Variants in PCBP3 observed in about 807,000 individuals in gnomAD.
The protein encoded by PCBP3 is poly(rC)-binding protein 3.
PCBP3 carries 25 observed loss-of-function variants against 52.7 expected under a neutral mutation model. The ratio of observed to expected loss-of-function variants is 0.47; its 90% CI spans 0.35 to 0.66. The LOEUF is 0.66. PCBP3 is among the 30% of genes least tolerant of loss of function. The pLI is 0.01. For synonymous variants in PCBP3, 162 were observed against 183.0 expected (o/e 0.89, Z 0.93); for missense variants, 391 against 490.3 (o/e 0.80, Z 1.91).
intron 6 of PCBP3, among the ~76,000 whole-genome samples, chr21:45,898,440 CCTCCCTCTGCACACCATCCTCATGGT>C (rs2095898925): frequency 6.7e-5 from 10 of 150,368 alleles, no homozygotes; most frequent in African/African-American, 1.2e-4. Flanking sequence ...GTCCTCACAG[CCTCCCTCTGCACACCATCCTCATGGT>C]CTCCCTCTCC....
intron 13 of PCBP3, chr21:45,918,510 C>G (rs2073891094): frequency 2.9e-5 from 2 of 69,444 alleles, no homozygotes; most frequent in African/African-American, 7.3e-5. Flanking sequence ...AGAAGTTACT[C>G]TCAGATAAAC....
chr21:45,676,955 T>C (rs976218230), intron 2 of PCBP3, among the ~76,000 whole-genome samples: 9 of 152,062 alleles, frequency 5.9e-5, no homozygotes, highest in Non-Finnish European at 1.3e-4. Context: ...GTATTTTTAG[T>C]AGAGGCGGGG....
At chr21:45,929,358 G>A (rs1024676963) in intron 13 of PCBP3, among the ~76,000 whole-genome samples, 6 of 152,180 alleles carry the variant, frequency 3.9e-5, no homozygotes, top group Admixed American at 3.9e-4. Context: ...GCAGATGTGT[G>A]GCCCCTCAGG....
chr21:45,897,956 C>T (rs1056265325), intron 6 of PCBP3, among the ~76,000 whole-genome samples: 1 of 152,208 alleles, frequency 6.6e-6, no homozygotes, highest in African/African-American at 2.4e-5. Flanking sequence ...CGTGGCCTCC[C>T]GCCGGGAGGA....
At chr21:45,725,359 TC>T (rs765921279) in intron 2 of PCBP3, among the ~76,000 whole-genome samples, 3 of 152,264 alleles carry the variant, frequency 2.0e-5, no homozygotes, top group Non-Finnish European at 4.4e-5. Context: ...GTTTTCCCTT[TC>T]CCTTGTCCAA....
chr21:45,876,693 G>T (rs756398590), intron 5 of PCBP3, among the ~76,000 whole-genome samples: 3 of 152,232 alleles, frequency 2.0e-5, no homozygotes, highest in Non-Finnish European at 2.9e-5. Context: ...CATTTCCGCC[G>T]TCCTGGCCTC....
chr21:45,743,560 A>G (rs1392223797), intron 3 of PCBP3, among the ~76,000 whole-genome samples: 3 of 152,212 alleles, frequency 2.0e-5, no homozygotes, highest in Admixed American at 6.5e-5. Context: ...AAACCCCGTT[A>G]GGCCATAGCT....
chr21:45,677,394 A>G (rs901935977), intron 2 of PCBP3, among the ~76,000 whole-genome samples: 1 of 152,240 alleles, frequency 6.6e-6, no homozygotes, highest in Non-Finnish European at 1.5e-5. Context: ...AGGAAGATAT[A>G]GGAGAATTTG....
intron 1 of PCBP3, among the ~76,000 whole-genome samples, chr21:45,661,047 AATATAT>A (rs950654430): frequency 2.0e-5 from 3 of 151,540 alleles, no homozygotes; most frequent in Admixed American, 6.6e-5. Flanking sequence ...TCTCAAAAAA[AATATAT>A]ATATATATCT....
chr21:45,811,151 T>G (rs1242477537), intron 4 of PCBP3, among the ~76,000 whole-genome samples: 1 of 152,258 alleles, frequency 6.6e-6, no homozygotes, highest in East Asian at 1.9e-4. Context: ...CCATTCCTAT[T>G]TGTTATTTCC....
intron 11 of PCBP3, among the ~76,000 whole-genome samples, chr21:45,913,553 G>A (rs1164222831): frequency 2.0e-5 from 3 of 152,044 alleles, no homozygotes; most frequent in East Asian, 3.9e-4. Context: ...GGGCCGTCTG[G>A]GTTGGCGGCC....
chr21:45,783,889 G>A (rs760424395), intron 4 of PCBP3, among the ~76,000 whole-genome samples: 3 of 152,164 alleles, frequency 2.0e-5, no homozygotes, highest in African/African-American at 4.8e-5. Context: ...GGACCAGGCC[G>A]TGAGCAGGAC....
chr21:45,932,980 G>A (rs1008574107), intron 15 of PCBP3, among the ~76,000 whole-genome samples: 2 of 151,542 alleles, frequency 1.3e-5, no homozygotes, highest in Admixed American at 6.5e-5. Context: ...CCTGGGCCAT[G>A]CCGTTCTGAG....
At chr21:45,669,805 GTATATATATATATATATATATATATATA>G (rs773020402) in intron 2 of PCBP3, among the ~76,000 whole-genome samples, 3 of 49,726 alleles carry the variant, frequency 6.0e-5, no homozygotes, top group Non-Finnish European at 3.9e-5. Flanking sequence ...GTGTGTGTGT[GTATATATATATATATATATATATATATA>G]TATATATATA....
intron 2 of PCBP3, among the ~76,000 whole-genome samples, chr21:45,702,117 G>A (rs187087504): frequency 6.6e-6 from 1 of 152,252 alleles, no homozygotes; most frequent in African/African-American, 2.4e-5. Flanking sequence ...TTGTTAGATA[G>A]GGCGTCAAAA....
At chr21:45,849,293 C>T (rs2093903251) in intron 4 of PCBP3, among the ~76,000 whole-genome samples, 1 of 151,878 alleles carries the variant, frequency 6.6e-6, no homozygotes. Context: ...GCAACCCCCG[C>T]CTCCTGGGTT....
At chr21:45,923,413 CAA>C (rs944199748) in intron 13 of PCBP3, among the ~76,000 whole-genome samples, 3 of 152,336 alleles carry the variant, frequency 2.0e-5, no homozygotes, top group Admixed American at 6.5e-5. Flanking sequence ...TTTCATGAAA[CAA>C]GAGGCCCAGG....
intron 3 of PCBP3, among the ~76,000 whole-genome samples, chr21:45,751,247 G>T (rs551469486): frequency 2.8e-4 from 42 of 152,256 alleles, no homozygotes; most frequent in Admixed American, 5.2e-4. Context: ...CCATATGTAT[G>T]TTTTCTGTTT....
chr21:45,897,283 G>A (rs1273245569), intron 6 of PCBP3, among the ~76,000 whole-genome samples: 3 of 152,108 alleles, frequency 2.0e-5, no homozygotes, highest in African/African-American at 2.4e-5. Flanking sequence ...CCTTCACAGC[G>A]GCCGCAAAGC....
Sources: gnomAD v4.1 joint callset for allele counts (sites outside exome capture counted in the v4.1 genomes callset) on GRCh38, gnomAD v4.1.1 for gene constraint, MANE v1.5 for transcripts, NCBI Gene and HGNC (gene_info 2026-07-23, HGNC 2026-07-21) for gene names.